Variants in CAP2 observed in about 807,000 individuals in gnomAD.
CAP2 encodes adenylyl cyclase-associated protein 2.
A neutral mutation model predicts 57.7 loss-of-function variants in CAP2; 24 were observed. The observed-to-expected ratio is 0.42, with a 90% confidence interval of 0.30 to 0.58. The LOEUF (loss-of-function observed/expected upper bound fraction) is 0.58. CAP2 is among the 20% of genes least tolerant of loss of function. CAP2 has a pLI of 0.22. For missense variants in CAP2, 501 were observed against 590.3 expected (o/e 0.85, Z 1.57); for synonymous variants, 194 against 207.2 (o/e 0.94, Z 0.55).
intron 4 of CAP2, among the ~76,000 whole-genome samples, chr6:17,497,108 AT>A (rs1347288953): frequency 1.3e-5 from 2 of 152,144 alleles, no homozygotes; most frequent in Non-Finnish European, 2.9e-5. Context: ...GTTCAGAAGA[AT>A]TTTTTTCTTG....
chr6:17,445,021 T>C (rs910040), intron 3 of CAP2, among the ~76,000 whole-genome samples: 83,327 of 152,000 alleles, frequency 0.55, 23,081 homozygotes, highest in East Asian at 0.84. Context: ...CACCAATATA[T>C]TGACTTATAA....
intron 3 of CAP2, among the ~76,000 whole-genome samples, chr6:17,444,002 A>T (rs1048672113): frequency 6.6e-6 from 1 of 152,234 alleles, no homozygotes; most frequent in Admixed American, 6.5e-5. Flanking sequence ...CTTTTAAAAA[A>T]ATATTTTAAA....
intron 4 of CAP2, among the ~76,000 whole-genome samples, chr6:17,468,973 A>C (rs1177817871): frequency 6.6e-6 from 1 of 152,276 alleles, no homozygotes; most frequent in Non-Finnish European, 1.5e-5. Flanking sequence ...GTTGTATGTC[A>C]AAATAAAATT....
At chr6:17,429,432 T>C (rs1390164751) in intron 3 of CAP2, among the ~76,000 whole-genome samples, 1 of 152,180 alleles carries the variant, frequency 6.6e-6, no homozygotes, top group Non-Finnish European at 1.5e-5. Context: ...TAATGAGACC[T>C]ATAAATAAGT....
chr6:17,443,319 A>G (rs1760145778), intron 3 of CAP2, among the ~76,000 whole-genome samples: 3 of 152,104 alleles, frequency 2.0e-5, no homozygotes, highest in Non-Finnish European at 4.4e-5. Flanking sequence ...ATGTTACTGA[A>G]TACTGCAGAA....
chr6:17,533,801 C>G (rs1167277611), intron 7 of CAP2, among the ~76,000 whole-genome samples: 1 of 152,062 alleles, frequency 6.6e-6, no homozygotes, highest in Non-Finnish European at 1.5e-5. Flanking sequence ...CTCCTGACCT[C>G]GTGATCCACC....
intron 7 of CAP2, among the ~76,000 whole-genome samples, chr6:17,516,778 T>G (rs1420595811): frequency 6.6e-6 from 1 of 152,184 alleles, no homozygotes; most frequent in African/African-American, 2.4e-5. Flanking sequence ...AAGGAGAGTT[T>G]GTGGTTTTTC....
chr6:17,527,597 CTT>C (rs10668941), intron 7 of CAP2, among the ~76,000 whole-genome samples: 8 of 131,202 alleles, frequency 6.1e-5, no homozygotes, highest in Admixed American at 1.6e-4. Flanking sequence ...TGTTCTCTTT[CTT>C]TTTTTTTTTT....
At chr6:17,554,807 C>T (rs1763256722) in intron 12 of CAP2, among the ~76,000 whole-genome samples, 1 of 152,342 alleles carries the variant, frequency 6.6e-6, no homozygotes, top group Middle Eastern at 3.4e-3. Flanking sequence ...GGTCTCTGTC[C>T]TTCTTCCTTG....
At chr6:17,544,234 A>G (rs915997926) in intron 11 of CAP2, among the ~76,000 whole-genome samples, 1 of 152,146 alleles carries the variant, frequency 6.6e-6, no homozygotes. Context: ...TGATGGGTAT[A>G]TGATTTGAGT....
chr6:17,468,768 A>C (rs1395305011), intron 4 of CAP2, among the ~76,000 whole-genome samples: 1 of 152,158 alleles, frequency 6.6e-6, no homozygotes, highest in African/African-American at 2.4e-5. Flanking sequence ...TTGCTCAACT[A>C]TTCATTTACT....
rs1469630791 is a variant in CAP2, at chr6:17,508,385, G to A, written c.530+659G>A. On this transcript the variant is annotated intron_variant, in intron 6 of 12. Coordinates refer to ENST00000229922, the MANE Select transcript of CAP2 (RefSeq NM_006366.3). ...GTCAGAATAGAAAATAGGCCCAAAC[G>A]GAGACATGGCAGAGCTGAAGAAATA... Among the ~76,000 whole-genome samples, 5 of 152,194 alleles carry A rather than the reference G, an allele frequency of 3.3e-5. No homozygotes were observed. In the South Asian group the frequency reaches 8.3e-4, roughly 25 times the overall value.
At chr6:17,465,195 T>C (rs1432008055) in intron 4 of CAP2, among the ~76,000 whole-genome samples, 5 of 152,212 alleles carry the variant, frequency 3.3e-5, no homozygotes, top group African/African-American at 1.2e-4. Context: ...TTTTTTCTTT[T>C]CTTTCTTTAA....
chr6:17,556,225 G>T (rs1459177327), intron 12 of CAP2, 134 bp from the exon 13 acceptor site: 1 of 651,418 alleles, frequency 1.5e-6, no homozygotes, highest in Non-Finnish European at 2.8e-6. Flanking sequence ...CCATGACGCA[G>T]CTTGCAATTC....
At chr6:17,439,965 TC>T in intron 3 of CAP2, among the ~76,000 whole-genome samples, 1 of 151,416 alleles carries the variant, frequency 6.6e-6, no homozygotes, top group Admixed American at 6.6e-5. Flanking sequence ...TAGAGTTAAT[TC>T]CCCCCATAGG....
intron 1 of CAP2, among the ~76,000 whole-genome samples, chr6:17,403,471 A>G (rs60570572): frequency 0.11 from 15,999 of 152,286 alleles, 2,850 homozygotes; most frequent in African/African-American, 0.36. Context: ...AAAGTGTTCA[A>G]AAGAGAGAGA....
intron 4 of CAP2, among the ~76,000 whole-genome samples, chr6:17,477,169 C>T (rs763853583): frequency 1.2e-4 from 19 of 152,218 alleles, no homozygotes; most frequent in Admixed American, 7.2e-4. Context: ...CCACCGTGCC[C>T]GGCCTTATTT....
intron 4 of CAP2, among the ~76,000 whole-genome samples, chr6:17,489,231 A>C (rs1309147395): frequency 4.6e-5 from 7 of 152,212 alleles, no homozygotes; most frequent in African/African-American, 1.7e-4. Flanking sequence ...CAGGAGTTCA[A>C]GACCAGCCTG....
chr6:17,436,626 G>C (rs1759897904), intron 3 of CAP2, among the ~76,000 whole-genome samples: 1 of 152,136 alleles, frequency 6.6e-6, no homozygotes, highest in South Asian at 2.1e-4. Flanking sequence ...CCATGCAATG[G>C]AGACCAGCAG....
Sources: gnomAD v4.1 joint callset for allele counts (sites outside exome capture counted in the v4.1 genomes callset) on GRCh38, gnomAD v4.1.1 for gene constraint, MANE v1.5 for transcripts, NCBI Gene and HGNC (gene_info 2026-07-23, HGNC 2026-07-21) for gene names.